CTNND2: variants seen among roughly 807,000 people sequenced by gnomAD.
CTNND2 encodes catenin delta-2.
A neutral mutation model predicts 144.4 loss-of-function variants in CTNND2; 22 were observed. The ratio of observed to expected loss-of-function variants is 0.15; its 90% confidence interval spans 0.11 to 0.22. The LOEUF is 0.22. Ranked by LOEUF, CTNND2 falls within the 10% of genes least tolerant of loss-of-function variation. The probability of loss-of-function intolerance (pLI) is 1.00; values close to 1 mark genes in which losing one functional copy is unlikely to be tolerated. For missense variants in CTNND2, 1,353 were observed against 1,618.8 expected (o/e 0.84, Z 2.82); for synonymous variants, 751 against 695.6 (o/e 1.08, Z -1.25).
At chr5:11,330,976 A>G (rs1753088923) in intron 9 of CTNND2, among the ~76,000 whole-genome samples, 1 of 152,154 alleles carries the variant, frequency 6.6e-6, no homozygotes, top group South Asian at 2.1e-4. Flanking sequence ...AGTAAATTTA[A>G]GTCTGTTAAT....
intron 8 of CTNND2, among the ~76,000 whole-genome samples, chr5:11,348,437 C>CAAAAAAAAAAAAA (rs3034056): frequency 8.7e-5 from 10 of 114,710 alleles, no homozygotes; most frequent in Non-Finnish European, 1.2e-4. Flanking sequence ...AAATCAAGGG[C>CAAAAAAAAAAAAA]AAAAAAAAAA....
At chr5:11,471,040 C>T (rs1391490770) in intron 3 of CTNND2, among the ~76,000 whole-genome samples, 1 of 142,150 alleles carries the variant, frequency 7.0e-6, no homozygotes, top group Non-Finnish European at 1.5e-5. Context: ...TGCAGTGGCG[C>T]GATCTCTGCT....
At chr5:11,902,046 A>G (rs746280499) in intron 1 of CTNND2, among the ~76,000 whole-genome samples, 5 of 152,256 alleles carry the variant, frequency 3.3e-5, no homozygotes, top group Admixed American at 6.5e-5. Flanking sequence ...TAATCACAGT[A>G]TTCAATCAAC....
intron 9 of CTNND2, among the ~76,000 whole-genome samples, chr5:11,258,008 C>T (rs1366202120): frequency 1.3e-5 from 2 of 152,128 alleles, no homozygotes; most frequent in Non-Finnish European, 2.9e-5. Flanking sequence ...CATTGTACTC[C>T]TGGGGGAGAA....
At chr5:11,236,220 A>G (rs1179637040) in intron 10 of CTNND2, among the ~76,000 whole-genome samples, 1 of 152,266 alleles carries the variant, frequency 6.6e-6, no homozygotes, top group African/African-American at 2.4e-5. Context: ...ACACTTGGTT[A>G]TAACACAAAG....
intron 1 of CTNND2, among the ~76,000 whole-genome samples, chr5:11,891,368 A>G (rs537726476): frequency 6.6e-6 from 1 of 152,338 alleles, no homozygotes; most frequent in South Asian, 2.1e-4. Context: ...CAAAGTTCCA[A>G]AATCTGCCAC....
intron 2 of CTNND2, among the ~76,000 whole-genome samples, chr5:11,731,377 G>T (rs1317742688): frequency 6.6e-6 from 1 of 152,130 alleles, no homozygotes; most frequent in Non-Finnish European, 1.5e-5. Context: ...CTGGAGTCAG[G>T]TAAGTTGCCA....
At chr5:11,109,745 C>T (rs1180037213) in intron 14 of CTNND2, among the ~76,000 whole-genome samples, 1 of 152,052 alleles carries the variant, frequency 6.6e-6, no homozygotes, top group Non-Finnish European at 1.5e-5. Context: ...AGGCCATTTG[C>T]AAAGATTACA....
At chr5:11,739,109 CA>C (rs1223783472) in intron 1 of CTNND2, among the ~76,000 whole-genome samples, 69 of 152,260 alleles carry the variant, frequency 4.5e-4, no homozygotes, top group Non-Finnish European at 8.1e-4. Context: ...TAGAGATGGC[CA>C]GTGGGTACAC....
intron 2 of CTNND2, among the ~76,000 whole-genome samples, chr5:11,700,150 G>C (rs1275541151): frequency 6.6e-6 from 1 of 152,148 alleles, no homozygotes; most frequent in Non-Finnish European, 1.5e-5. Flanking sequence ...TGCTTTGGGA[G>C]ACCCAAGAGG....
At chr5:11,672,231 G>A (rs1783909930) in intron 2 of CTNND2, among the ~76,000 whole-genome samples, 1 of 152,190 alleles carries the variant, frequency 6.6e-6, no homozygotes, top group African/African-American at 2.4e-5. Context: ...CCTACTGGGA[G>A]GTGTCTCCCA....
chr5:11,114,292 T>C (rs16901279), intron 13 of CTNND2, among the ~76,000 whole-genome samples: 3,480 of 152,070 alleles, frequency 0.023, 141 homozygotes, highest in African/African-American at 0.08. Context: ...AAATCTGCAG[T>C]TGGGAAAAAT....
intron 3 of CTNND2, among the ~76,000 whole-genome samples, chr5:11,563,859 A>G (rs1403323525): frequency 6.6e-6 from 1 of 152,232 alleles, no homozygotes; most frequent in African/African-American, 2.4e-5. Context: ...AACAATGAAT[A>G]CAAAGACATT....
intron 1 of CTNND2, among the ~76,000 whole-genome samples, chr5:11,741,223 T>C (rs1212756631): frequency 2.0e-5 from 3 of 152,144 alleles, no homozygotes; most frequent in Admixed American, 6.5e-5. Flanking sequence ...ACTGGCTATA[T>C]ACCCAAAGGA....
chr5:11,229,914 GA>G (rs991027059), intron 10 of CTNND2, among the ~76,000 whole-genome samples: 1 of 151,832 alleles, frequency 6.6e-6, no homozygotes, highest in African/African-American at 2.4e-5. Flanking sequence ...AGAAATGGGG[GA>G]AAGTACAGGC....
chr5:11,701,946 G>A (rs1785455355), intron 2 of CTNND2, among the ~76,000 whole-genome samples: 1 of 152,150 alleles, frequency 6.6e-6, no homozygotes, highest in Non-Finnish European at 1.5e-5. Flanking sequence ...TTCCCACTGT[G>A]TCTATAAACT....
At chr5:11,330,782 CAA>C (rs70949317) in intron 9 of CTNND2, among the ~76,000 whole-genome samples, 84,668 of 139,306 alleles carry the variant, frequency 0.61, 25,105 homozygotes, top group East Asian at 0.76. Context: ...AACTCTGTAT[CAA>C]AAAAAAAAAA....
At chr5:11,842,164 G>T (rs531013809) in intron 1 of CTNND2, among the ~76,000 whole-genome samples, 3 of 151,910 alleles carry the variant, frequency 2.0e-5, no homozygotes, top group Admixed American at 6.6e-5. Flanking sequence ...AGAGAACCCA[G>T]TCCCCTTTTT....
chr5:11,476,569 C>G (rs908050188), intron 3 of CTNND2, among the ~76,000 whole-genome samples: 7 of 152,146 alleles, frequency 4.6e-5, no homozygotes, highest in Admixed American at 1.3e-4. Flanking sequence ...GCCTAACAAT[C>G]TTCCCCATAC....
Sources: gnomAD v4.1 joint callset for allele counts (sites outside exome capture counted in the v4.1 genomes callset) on GRCh38, gnomAD v4.1.1 for gene constraint, MANE v1.5 for transcripts, NCBI Gene and HGNC (gene_info 2026-07-23, HGNC 2026-07-21) for gene names.